ABCA1: variants seen among roughly 807,000 people sequenced by gnomAD.
ABCA1 encodes ATP binding cassette subfamily A member 1.
A neutral mutation model predicts 262.5 loss-of-function variants in ABCA1; 133 were observed. The observed-to-expected ratio is 0.51, with a 90% CI of 0.44 to 0.59. The LOEUF is 0.59. Among genes scored for constraint, ABCA1 ranks in the 20% least tolerant of loss-of-function variants. The probability of loss-of-function intolerance (pLI) is 0.00; values close to 1 mark genes in which losing one functional copy is unlikely to be tolerated. For synonymous variants in ABCA1, 1,022 were observed against 1,043.5 expected (o/e 0.98, Z 0.40); for missense variants, 2,452 against 2,777.5 (o/e 0.88, Z 2.63).
intron 18 of ABCA1, 128 bp from the exon 19 acceptor site, chr9:104,822,795 A>T: frequency 1.9e-6 from 2 of 1,027,840 alleles, no homozygotes; most frequent in South Asian, 2.6e-5. Context: ...TTTCTCAGGC[A>T]GGCAGGAGGC....
intron 5 of ABCA1, among the ~76,000 whole-genome samples, chr9:104,874,811 CCGGGAGGGAGG>C (rs1564222729): frequency 1.1e-4 from 16 of 141,372 alleles, no homozygotes; most frequent in African/African-American, 5.0e-4. Context: ...GCCGCCCCGT[CCGGGAGGGAGG>C]TGGGGGCCAG....
intron 42 of ABCA1, among the ~76,000 whole-genome samples, chr9:104,792,504 CTAGA>C (rs1384517677): frequency 6.6e-6 from 1 of 152,080 alleles, no homozygotes; most frequent in African/African-American, 2.4e-5. Flanking sequence ...TCAGTTTTGA[CTAGA>C]TATACAATAT....
At chr9:104,805,979 C>T (rs1490565107) in intron 31 of ABCA1, among the ~76,000 whole-genome samples, 4 of 152,134 alleles carry the variant, frequency 2.6e-5, no homozygotes, top group Non-Finnish European at 4.4e-5. Context: ...GTGGTGCGTG[C>T]CTGTAATCCC....
intron 2 of ABCA1, among the ~76,000 whole-genome samples, chr9:104,898,383 T>G (rs1490387763): frequency 6.6e-6 from 1 of 151,814 alleles, no homozygotes; most frequent in African/African-American, 2.4e-5. Context: ...ACCGCATCTC[T>G]ATAAAAATAC....
chr9:104,905,987 A>G (rs1427837224), intron 1 of ABCA1, among the ~76,000 whole-genome samples: 1 of 152,200 alleles, frequency 6.6e-6, no homozygotes, highest in Non-Finnish European at 1.5e-5. Context: ...CTTACCTTGT[A>G]TGGTGTTCAA....
At chr9:104,794,572 T>G in intron 39 of ABCA1, 62 bp from the exon 40 acceptor site, 2 of 1,565,084 alleles carry the variant, frequency 1.3e-6, no homozygotes, top group South Asian at 1.1e-5. Context: ...CGGGTGTCAT[T>G]CATGGTTTAT....
At chr9:104,787,022 A>G in intron 46 of ABCA1, 46 bp from the exon 47 acceptor site, 2 of 1,544,800 alleles carry the variant, frequency 1.3e-6, no homozygotes, top group Non-Finnish European at 1.8e-6. Flanking sequence ...GGGAAAAAAA[A>G]TCAAAGATAA....
chr9:104,803,197 A>G, intron 33 of ABCA1, 87 bp downstream of exon 33: 1 of 1,481,650 alleles, frequency 6.7e-7, no homozygotes. Flanking sequence ...GTGAGTGACA[A>G]ACAATCCCCA....
chr9:104,843,284 T>C (rs930370951), intron 8 of ABCA1, among the ~76,000 whole-genome samples: 3 of 152,234 alleles, frequency 2.0e-5, no homozygotes, highest in African/African-American at 7.2e-5. Context: ...GCCAGGCAGC[T>C]GGTCGGTGCT....
intron 2 of ABCA1, among the ~76,000 whole-genome samples, chr9:104,894,833 G>T (rs1440735905): frequency 1.3e-5 from 2 of 152,240 alleles, no homozygotes; most frequent in Non-Finnish European, 2.9e-5. Flanking sequence ...GAGAACTCAT[G>T]AGAGACAAAA....
intron 14 of ABCA1, 55 bp from the exon 15 acceptor site, chr9:104,829,193 T>C: frequency 1.3e-6 from 2 of 1,589,206 alleles, no homozygotes; most frequent in Non-Finnish European, 1.7e-6. Context: ...TGAGCCAGGG[T>C]GATGGGCCAA....
At chr9:104,813,687 A>T (rs1304870144) in intron 27 of ABCA1, among the ~76,000 whole-genome samples, 1 of 152,242 alleles carries the variant, frequency 6.6e-6, no homozygotes, top group African/African-American at 2.4e-5. Context: ...CGCTGGGATT[A>T]CTGGCATGAG....
At chr9:104,885,073 T>C (rs1241122289) in intron 3 of ABCA1, among the ~76,000 whole-genome samples, 1 of 151,966 alleles carries the variant, frequency 6.6e-6, no homozygotes, top group East Asian at 1.9e-4. Context: ...CTGTCTCTAC[T>C]AAGCATACAA....
At position 104,844,297 on chromosome 9, in the gene ABCA1, T is replaced by C. The variant is rs561573929; in HGVS notation, c.813+1180A>G. ...GAAGAACCCCAGTTGGTCCAGCTTC[T>C]CTACCTAGTAAAAAAGGTTACCAGC... On this transcript the variant is annotated intron_variant, in intron 8 of 49. Coordinates refer to ENST00000374736, the MANE Select transcript of ABCA1 (RefSeq NM_005502.4). Among the ~76,000 whole-genome samples the C allele has an allele frequency of 6.3e-5, 9 of 143,960 alleles. No individual in the cohort carries two copies. The South Asian group carries it at 6.9e-4, about 11-fold the overall frequency. The allele number at this position is 143,960 out of a possible 152,430, so 94.4% of individuals were successfully genotyped here. A position where few individuals can be genotyped will look rare whatever the true frequency, so the allele number is the denominator to read the frequency against.
At chr9:104,847,302 A>C (rs1178671839) in intron 7 of ABCA1, among the ~76,000 whole-genome samples, 1 of 152,152 alleles carries the variant, frequency 6.6e-6, no homozygotes, top group Non-Finnish European at 1.5e-5. Flanking sequence ...CCCTGGGCAA[A>C]TGACTCAAAT....
chr9:104,858,445 T>G lies in ABCA1; in HGVS notation c.720+77A>C. 3.4e-6 allele frequency: 5 copies of G among 1,465,190 alleles called. No individual in the cohort carries two copies. In the South Asian group the frequency reaches 5.7e-5, roughly 17 times the overall value. The allele number at this position is 1,465,190 out of a possible 1,614,324, so 90.8% of individuals were successfully genotyped here. ...AGCCGTACTTTTCTACAAAACAAAGTCATGCTGTCCAAGGAAAAGCCTCAC... is the reference window on the plus strand; with the variant it reads ...AGCCGTACTTTTCTACAAAACAAAGGCATGCTGTCCAAGGAAAAGCCTCAC... On this transcript the variant is annotated intron_variant, in intron 7 of 49. Transcript: ENST00000374736.
chr9:104,839,065 G>A (rs1305197881), intron 9 of ABCA1, among the ~76,000 whole-genome samples: 1 of 152,180 alleles, frequency 6.6e-6, no homozygotes, highest in Non-Finnish European at 1.5e-5. Flanking sequence ...CACACCTGTG[G>A]TTGGAAATGG....
chr9:104,872,322 T>A (rs1837691404), intron 5 of ABCA1, among the ~76,000 whole-genome samples: 1 of 152,226 alleles, frequency 6.6e-6, no homozygotes, highest in Non-Finnish European at 1.5e-5. Context: ...TTCCACTATA[T>A]CAGCAATTTA....
At position 104,840,580 on chromosome 9, in the gene ABCA1, G is replaced by C. The variant is rs139804832; in HGVS notation, c.814-61C>G. On this transcript the variant is annotated intron_variant, in intron 8 of 49. Transcript: ENST00000374736. ...GGAAGGGAGAAAAGGGCAGTGCAAG[G>C]GTTGGGGATGAGAAGAGAAAGAAAC... 120 of 1,503,474 alleles carry C rather than the reference G, an allele frequency of 8.0e-5. No homozygotes were observed. The South Asian group carries it at 1.2e-3, about 15-fold the overall frequency. The allele number at this position is 1,503,474 out of a possible 1,614,324, so 93.1% of individuals were successfully genotyped here. A position where few individuals can be genotyped will look rare whatever the true frequency, so the allele number is the denominator to read the frequency against.
Sources: allele counts gnomAD v4.1 joint callset (sites outside exome capture counted in the v4.1 genomes callset), GRCh38; gene constraint gnomAD v4.1.1; transcripts MANE v1.5; gene names NCBI Gene and HGNC (gene_info 2026-07-23, HGNC 2026-07-21).